The following IFT140 variants were observed in gnomAD, a reference collection of about 807,000 sequenced individuals.
IFT140 encodes intraflagellar transport 140.
A neutral mutation model predicts 164.6 loss-of-function variants in IFT140; 133 were observed. The observed-to-expected ratio is 0.81, with a 90% CI of 0.70 to 0.93. IFT140 has a LOEUF of 0.93. Among genes scored for constraint, IFT140 ranks in the 40% least tolerant of loss-of-function variants. The probability of loss-of-function intolerance (pLI) is 0.00; values close to 1 mark genes in which losing one functional copy is unlikely to be tolerated. For missense variants in IFT140, 2,045 were observed against 1,972.3 expected (o/e 1.04, Z -0.70); for synonymous variants, 860 against 817.3 (o/e 1.05, Z -0.89).
intron 19 of IFT140, among the ~76,000 whole-genome samples, chr16:1,535,698 T>C (rs957987851): frequency 2.6e-5 from 4 of 152,220 alleles, no homozygotes; most frequent in South Asian, 4.1e-4. Flanking sequence ...GCAGAAGGCA[T>C]GTGGCTTGGA....
chr16:1,577,980 C>T (rs912788554), intron 13 of IFT140: 1 of 152,116 alleles, frequency 6.6e-6, no homozygotes, highest in Non-Finnish European at 1.5e-5. Context: ...AACAAGTGTG[C>T]TTGCTCTGGG....
chr16:1,555,033 C>T, intron 19 of IFT140: 1 of 1,602,534 alleles, frequency 6.2e-7, no homozygotes, highest in African/African-American at 1.3e-5. Context: ...CTGAGTCGCC[C>T]TTCTCAGCGC....
At position 1,558,035 on chromosome 16, in the gene IFT140, C is replaced by T. The variant is rs750440341; in HGVS notation, c.2299G>A (p.Asp767Asn). 6.2e-7 allele frequency: 1 copy of T among 1,613,926 alleles called. No individual in the cohort carries two copies. Among genetic ancestry groups the T allele is most frequent in the East Asian group, 2.2e-5 (1 of 44,898 alleles). The part of the protein sequence containing the change: ...RPLRDFVGLE[D>N]CDKATRDAML... ...GCGTCCCGGGTGGCCTTGTCGCAGT[C>T]CTCCAGCCCCACAAAGTCTCGCAGG... Residue 767 changes from aspartate (D) to asparagine (N), a missense_variant, in exon 19 of 31, where the codon GAC becomes AAC. Coordinates refer to ENST00000426508, the MANE Select transcript of IFT140 (RefSeq NM_014714.4).
chr16:1,597,391 G>C (rs1407550355), intron 4 of IFT140, among the ~76,000 whole-genome samples: 1 of 152,190 alleles, frequency 6.6e-6, no homozygotes, highest in Admixed American at 6.5e-5. Flanking sequence ...TCTGGACTTG[G>C]GACAGGGAGC....
At position 1,583,784 on chromosome 16, in the gene IFT140, G is replaced by A. The variant is rs138551501; in HGVS notation, c.1360-398C>T. Among the ~76,000 whole-genome samples, 529 of 151,556 alleles carry A rather than the reference G, an allele frequency of 3.5e-3. 10 individuals are homozygous for A. The highest frequency in any genetic ancestry group is 0.012 in the African/African-American group (505 of 41,288). Reference sequence around the variant, plus strand: ...TTTTGAGACATGGTCTCACTCTGTCGTCCAGGCTGGAGTGCAGTGGCACGA... The same window carrying A: ...TTTTGAGACATGGTCTCACTCTGTCATCCAGGCTGGAGTGCAGTGGCACGA... On this transcript the variant is annotated intron_variant, in intron 11 of 30. Coordinates refer to ENST00000426508, the MANE Select transcript of IFT140 (RefSeq NM_014714.4).
intron 4 of IFT140, among the ~76,000 whole-genome samples, chr16:1,597,751 A>G (rs2035536758): frequency 6.6e-6 from 1 of 152,176 alleles, no homozygotes; most frequent in South Asian, 2.1e-4. Flanking sequence ...CCTGGGTTTC[A>G]TTTTATGCCT....
At chr16:1,596,349 G>C (rs946161390) in intron 4 of IFT140, among the ~76,000 whole-genome samples, 13 of 152,006 alleles carry the variant, frequency 8.6e-5, no homozygotes, top group African/African-American at 2.9e-4. Context: ...GTTTTGTTTT[G>C]ATTTTTTGCA....
At chr16:1,591,667 G>T (rs2035188027) in intron 6 of IFT140, among the ~76,000 whole-genome samples, 1 of 152,162 alleles carries the variant, frequency 6.6e-6, no homozygotes, top group African/African-American at 2.4e-5. Flanking sequence ...CCCTCGTACA[G>T]TGAGGAAGAA....
At position 1,551,462 on chromosome 16, in the gene IFT140, G is replaced by A. The variant is rs931390256; in HGVS notation, c.2399+6473C>T. Among the ~76,000 whole-genome samples, 5 of 152,188 alleles carry A rather than the reference G, an allele frequency of 3.3e-5. No individual in the cohort carries two copies. Among genetic ancestry groups the A allele is most frequent in the South Asian group, 2.1e-4 (1 of 4,828 alleles). ...CTGGGCCCCAGGGTGGCAGAAGGGC[G>A]GCCGCAGGTAGCAGGGGAGACCCTA... On this transcript the variant is annotated intron_variant, in intron 19 of 30. Transcript: ENST00000426508. This position sits in a 1 kb window ranked among gnomAD's most constrained non-coding sequence, Gnocchi z 4.0.
chr16:1,547,969 A>G (rs954675014), intron 19 of IFT140, among the ~76,000 whole-genome samples: 3 of 152,164 alleles, frequency 2.0e-5, no homozygotes, highest in African/African-American at 7.2e-5. Context: ...GGCCACTGCA[A>G]TCAGCCTGGT....
intron 13 of IFT140, among the ~76,000 whole-genome samples, chr16:1,572,622 G>A (rs1419590179): frequency 6.6e-6 from 1 of 152,184 alleles, no homozygotes; most frequent in Non-Finnish European, 1.5e-5. Flanking sequence ...CTCCAGCCTG[G>A]GCGACAGAGC....
chr16:1,549,011 C>G (rs2032413835), intron 19 of IFT140, among the ~76,000 whole-genome samples: 1 of 152,262 alleles, frequency 6.6e-6, no homozygotes, highest in South Asian at 2.1e-4. Context: ...CAGGAGCCAC[C>G]TGGCGCTCTC....
At chr16:1,558,353 A>G (rs1236047513) in intron 18 of IFT140, among the ~76,000 whole-genome samples, 2 of 152,240 alleles carry the variant, frequency 1.3e-5, no homozygotes, top group Admixed American at 6.5e-5. Flanking sequence ...ATAATGGGTA[A>G]GCAAAGGCTG....
At chr16:1,578,694 A>G (rs1300603326) in intron 13 of IFT140, among the ~76,000 whole-genome samples, 2 of 152,168 alleles carry the variant, frequency 1.3e-5, no homozygotes, top group African/African-American at 4.8e-5. Context: ...AGCCTAGCCA[A>G]TGTGGTGAAA....
intron 19 of IFT140, chr16:1,555,149 C>A: frequency 7.8e-7 from 1 of 1,280,182 alleles, no homozygotes; most frequent in Non-Finnish European, 1.1e-6. Context: ...GTCTGGGTGA[C>A]CTCTGCGCCA....
intron 26 of IFT140, among the ~76,000 whole-genome samples, chr16:1,521,917 TAA>T (rs780485191): frequency 2.6e-3 from 346 of 131,488 alleles, no homozygotes; most frequent in African/African-American, 8.6e-3. Context: ...CATTTATATT[TAA>T]AAAAAAAAAA....
At chr16:1,603,596 T>C (rs1020477319) in intron 3 of IFT140, among the ~76,000 whole-genome samples, 3 of 152,170 alleles carry the variant, frequency 2.0e-5, no homozygotes, top group African/African-American at 7.2e-5. Flanking sequence ...GCGATTCTCC[T>C]GCCTCAGCCT....
chr16:1,565,076 G>A (rs953417298), intron 16 of IFT140, among the ~76,000 whole-genome samples: 6 of 152,186 alleles, frequency 3.9e-5, no homozygotes, highest in Non-Finnish European at 8.8e-5. Flanking sequence ...GGCAAGATTC[G>A]AATGCAGAAA....
intron 12 of IFT140, among the ~76,000 whole-genome samples, chr16:1,582,573 G>A (rs2034629643): frequency 6.6e-6 from 1 of 152,244 alleles, no homozygotes; most frequent in Non-Finnish European, 1.5e-5. Context: ...GCTGCCTCAG[G>A]AAACTCCCAT....
Sources: allele counts gnomAD v4.1 joint callset (sites outside exome capture counted in the v4.1 genomes callset), GRCh38; gene constraint gnomAD v4.1.1; non-coding constraint Gnocchi (gnomAD v3.1); transcripts MANE v1.5; gene names NCBI Gene and HGNC (gene_info 2026-07-23, HGNC 2026-07-21).